The following PAK6 variants were observed in gnomAD, a reference collection of about 807,000 sequenced individuals.
PAK6 encodes the protein p21 (RAC1) activated kinase 6.
A neutral mutation model predicts 60.8 loss-of-function variants in PAK6; 33 were observed. That is an observed-to-expected ratio of 0.54 (90% CI 0.41 to 0.73). The LOEUF (loss-of-function observed/expected upper bound fraction) is 0.73, where lower values mean the gene tolerates loss of function less well. Among genes scored for constraint, PAK6 ranks in the 30% least tolerant of loss-of-function variants. The pLI is 0.00. For missense variants in PAK6, 845 were observed against 904.1 expected (o/e 0.93, Z 0.84); for synonymous variants, 404 against 378.5 (o/e 1.07, Z -0.78).
At chr15:40,271,817 G>A (rs1479835689) in intron 5 of PAK6, among the ~76,000 whole-genome samples, 1 of 152,196 alleles carries the variant, frequency 6.6e-6, no homozygotes, top group Admixed American at 6.5e-5. Flanking sequence ...TGGGAGTGAA[G>A]AATGCCTCTG....
At chr15:40,258,040 G>C (rs2038886392) in intron 3 of PAK6, among the ~76,000 whole-genome samples, 1 of 152,182 alleles carries the variant, frequency 6.6e-6, no homozygotes, top group Admixed American at 6.5e-5. Flanking sequence ...GCTTTTCCTA[G>C]ATGCCAGGCC....
chr15:40,272,759 G>A (rs373390101), intron 6 of PAK6, 38 bp downstream of exon 6: 2 of 1,578,674 alleles, frequency 1.3e-6, no homozygotes, highest in South Asian at 1.2e-5. Flanking sequence ...GGGGCGTTGG[G>A]GATGGGCAGT....
At chr15:40,248,321 A>C (rs2038553674) in intron 2 of PAK6, among the ~76,000 whole-genome samples, 1 of 152,162 alleles carries the variant, frequency 6.6e-6, no homozygotes, top group Admixed American at 6.5e-5. Flanking sequence ...GAGCAGGAAG[A>C]AGCAGGTGCT....
chr15:40,268,819 T>C (rs751832894), intron 5 of PAK6, among the ~76,000 whole-genome samples: 1 of 152,146 alleles, frequency 6.6e-6, no homozygotes, highest in Admixed American at 6.5e-5. Context: ...AGGGCAAACA[T>C]TGGTTAAGCA....
chr15:40,275,280 G>GTTTTCTTTTTTTTTTT (rs1448905930), intron 10 of PAK6, among the ~76,000 whole-genome samples: 17 of 56,512 alleles, frequency 3.0e-4, no homozygotes, highest in South Asian at 6.8e-4. Flanking sequence ...GTTGTTGTTG[G>GTTTTCTTTTTTTTTTT]TTTTTTTTTT....
At chr15:40,260,590 T>A (rs2140971042) in intron 3 of PAK6, among the ~76,000 whole-genome samples, 1 of 152,340 alleles carries the variant, frequency 6.6e-6, no homozygotes, top group South Asian at 2.1e-4. Context: ...ATCCTCCAAC[T>A]TCGTTCATTA....
chr15:40,265,716 G>A, intron 4 of PAK6, 126 bp from the exon 5 acceptor site: 1 of 764,154 alleles, frequency 1.3e-6, no homozygotes, highest in Non-Finnish European at 2.0e-6. Context: ...GGATGACACA[G>A]CAGGGAAGGT....
At chr15:40,242,617 G>A (rs547903992) in intron 2 of PAK6, among the ~76,000 whole-genome samples, 1 of 152,308 alleles carries the variant, frequency 6.6e-6, no homozygotes. Flanking sequence ...GCTTCTGAGG[G>A]CAGAATGAGT....
At chr15:40,253,258 A>C (rs747352929) in exon 3 of PAK6, 2 of 455,978 alleles carry the variant, frequency 4.4e-6, no homozygotes, top group South Asian at 3.1e-5. Flanking sequence ...GCGGGTGAGG[A>C]GTCGCGAGGA....
chr15:40,257,674 A>G (rs1473230284), intron 3 of PAK6, among the ~76,000 whole-genome samples: 2 of 152,162 alleles, frequency 1.3e-5, no homozygotes, highest in Non-Finnish European at 2.9e-5. Context: ...CTTGAGGTTT[A>G]ACGGCAGGCA....
intron 10 of PAK6, among the ~76,000 whole-genome samples, chr15:40,275,280 G>GTTTTC (rs1448905930): frequency 7.1e-5 from 4 of 56,510 alleles, no homozygotes; most frequent in South Asian, 6.8e-4. Flanking sequence ...GTTGTTGTTG[G>GTTTTC]TTTTTTTTTT....
exon 11 of PAK6, chr15:40,276,278 T>C: frequency 1.7e-6 from 1 of 594,788 alleles, no homozygotes; most frequent in Non-Finnish European, 3.0e-6. Flanking sequence ...CCTCAGTGTC[T>C]CTCCCTCCCG....
chr15:40,241,050 C>T (rs544655895), intron 2 of PAK6, among the ~76,000 whole-genome samples: 8 of 152,292 alleles, frequency 5.3e-5, no homozygotes, highest in African/African-American at 1.9e-4. Context: ...CTGCTGGGTC[C>T]CAGGCTCCAA....
chr15:40,252,393 C>A (rs1211869294), intron 2 of PAK6: 2 of 1,334,976 alleles, frequency 1.5e-6, no homozygotes, highest in Admixed American at 2.1e-5. Context: ...GAAGGGCGGG[C>A]GGGAACTGGG....
At chr15:40,253,229 C>T (rs1566846092) in exon 3 of PAK6, 2 of 455,992 alleles carry the variant, frequency 4.4e-6, no homozygotes, top group Admixed American at 4.7e-5. Context: ...CTCCTCAGCG[C>T]CTAAGAGAGA....
chr15:40,266,316 G>A, exon 5 of PAK6: 1 of 1,611,952 alleles, frequency 6.2e-7, no homozygotes, highest in Non-Finnish European at 8.5e-7. Flanking sequence ...CTCTGAGGAG[G>A]CCCGGCCACA....
exon 11 of PAK6, chr15:40,276,746 C>T (rs2039465359): frequency 3.9e-5 from 2 of 51,660 alleles, no homozygotes; most frequent in Admixed American, 2.4e-4. Flanking sequence ...ATGGAGAGAA[C>T]ATCGTGTGTG....
exon 2 of PAK6, chr15:40,240,657 C>T (rs1472964542): frequency 2.2e-6 from 1 of 451,510 alleles, no homozygotes; most frequent in South Asian, 1.6e-5. Context: ...ACGCAGGACC[C>T]CGCTGCCCAG....
intron 2 of PAK6, among the ~76,000 whole-genome samples, chr15:40,242,996 A>G (rs2038398299): frequency 6.6e-6 from 1 of 152,154 alleles, no homozygotes; most frequent in Admixed American, 6.5e-5. Context: ...AGCTGAGCTG[A>G]GCGTGGGGCC....
Sources: allele counts gnomAD v4.1 joint callset (sites outside exome capture counted in the v4.1 genomes callset), GRCh38; gene constraint gnomAD v4.1.1; transcripts MANE v1.5; gene names NCBI Gene and HGNC (gene_info 2026-07-23, HGNC 2026-07-21).